Variants in RERE observed in about 807,000 individuals in gnomAD.
RERE encodes the protein arginine-glutamic acid dipeptide repeats protein.
Under a neutral mutation model 146.1 loss-of-function variants are expected in RERE, and 40 were observed. That is an observed-to-expected ratio of 0.27 (90% CI 0.21 to 0.36). The LOEUF (loss-of-function observed/expected upper bound fraction) is 0.36. Among genes scored for constraint, RERE ranks in the 10% least tolerant of loss-of-function variants. RERE has a pLI of 1.00. For missense variants in RERE, 1,933 were observed against 2,138.7 expected, an observed-to-expected ratio of 0.90 and a Z score of 1.90; for synonymous variants, 1,003 against 866.0, an observed-to-expected ratio of 1.16 and a Z score of -2.78.
intron 9 of RERE, among the ~76,000 whole-genome samples, chr1:8,495,376 G>A (rs888863893): frequency 5.3e-5 from 8 of 151,160 alleles, no homozygotes; most frequent in African/African-American, 7.3e-5. Context: ...GTACAGTGGC[G>A]CAATCTTGGC....
Position 8,406,620 on chromosome 1 carries a change from A to AT in RERE, c.1284+16106dup, listed in dbSNP as rs1643445203. Among the ~76,000 whole-genome samples the AT allele has an allele frequency of 1.3e-5, 2 of 152,220 alleles. 1 individual carries two copies. The highest frequency in any genetic ancestry group is 4.1e-4 in the South Asian group (2 of 4,824). On this transcript the variant is annotated intron_variant, in intron 12 of 22. Transcript: ENST00000400908. ...TTGCAAATTCTTTAAGTTTGAAATT[A>AT]TTTTAAACCAAATGGTTTTTTAAAA... is the stretch of plus-strand genomic sequence containing the variant.
At chr1:8,485,230 G>A (rs757749272) in intron 10 of RERE, among the ~76,000 whole-genome samples, 6 of 151,978 alleles carry the variant, frequency 3.9e-5, no homozygotes, top group African/African-American at 1.2e-4. Flanking sequence ...ACGTGGTGCC[G>A]CATGTCTGTA....
rs1427356097 is a variant in RERE at position 8,533,629 on chromosome 1, C to G, written c.830+7585G>C. ...ATTCTGAAGGGCCCAGAATCCCAAC[C>G]CTAAACAGGTGGGTTTCCCTGTTAC... On this transcript the variant is annotated intron_variant, in intron 7 of 22. Coordinates refer to ENST00000400908, the MANE Select transcript of RERE (RefSeq NM_001042681.2). Among the ~76,000 whole-genome samples the G allele has an allele frequency of 3.3e-5, 5 of 152,260 alleles. No homozygotes were observed. In the East Asian group the frequency reaches 9.6e-4, roughly 29 times the overall value.
chr1:8,502,071 T>A (rs1280265114), intron 8 of RERE, among the ~76,000 whole-genome samples: 1 of 77,686 alleles, frequency 1.3e-5, no homozygotes, highest in Non-Finnish European at 2.6e-5. Flanking sequence ...AGCCGCCCCG[T>A]CCGGGAGGTG....
intron 12 of RERE, among the ~76,000 whole-genome samples, chr1:8,390,948 A>G (rs1024758361): frequency 6.6e-6 from 1 of 151,938 alleles, no homozygotes; most frequent in African/African-American, 2.4e-5. Context: ...AAAACAAAAC[A>G]AAACAAAAAA....
At chr1:8,750,228 T>A (rs1025937754) in intron 1 of RERE, among the ~76,000 whole-genome samples, 2 of 151,732 alleles carry the variant, frequency 1.3e-5, no homozygotes, top group African/African-American at 2.4e-5. Flanking sequence ...GACTGTTACT[T>A]CTAGAACCAT....
At chr1:8,451,158 C>T (rs1355566149) in intron 11 of RERE, among the ~76,000 whole-genome samples, 4 of 152,184 alleles carry the variant, frequency 2.6e-5, no homozygotes, top group East Asian at 1.9e-4. Context: ...CAGCTGGGCG[C>T]GGTGGCTCAC....
At chr1:8,604,705 G>A (rs904735986) in intron 4 of RERE, among the ~76,000 whole-genome samples, 3 of 151,742 alleles carry the variant, frequency 2.0e-5, no homozygotes, top group African/African-American at 7.3e-5. Flanking sequence ...GGGCAATAAA[G>A]GAACGATCTT....
At chr1:8,747,921 C>A (rs112375659) in intron 1 of RERE, among the ~76,000 whole-genome samples, 1 of 152,090 alleles carries the variant, frequency 6.6e-6, no homozygotes, top group Non-Finnish European at 1.5e-5. Context: ...ATTACAGGTG[C>A]ATGCCACCAC....
chr1:8,427,637 T>TAAAAAA (rs33996085), intron 11 of RERE, among the ~76,000 whole-genome samples: 1 of 116,350 alleles, frequency 8.6e-6, no homozygotes, highest in East Asian at 2.6e-4. Context: ...GGCCCCACTT[T>TAAAAAA]AAAAAAAAAA....
At chr1:8,435,865 C>T (rs1184938670) in intron 11 of RERE, among the ~76,000 whole-genome samples, 1 of 152,202 alleles carries the variant, frequency 6.6e-6, no homozygotes, top group Non-Finnish European at 1.5e-5. Context: ...GCAGGCCCAA[C>T]AAAAAGTACT....
At chr1:8,609,401 G>A (rs184362222) in intron 4 of RERE, among the ~76,000 whole-genome samples, 109 of 152,194 alleles carry the variant, frequency 7.2e-4, no homozygotes, top group Non-Finnish European at 1.2e-3. Flanking sequence ...TACATTATAA[G>A]TCGACAGCTA....
At chr1:8,743,550 C>A (rs754093872) in intron 1 of RERE, among the ~76,000 whole-genome samples, 4 of 151,788 alleles carry the variant, frequency 2.6e-5, no homozygotes, top group African/African-American at 4.8e-5. Flanking sequence ...CGTGAACCAC[C>A]GCACCCAGCC....
chr1:8,528,601 G>A (rs1645598704), intron 7 of RERE, among the ~76,000 whole-genome samples: 1 of 152,130 alleles, frequency 6.6e-6, no homozygotes, highest in Non-Finnish European at 1.5e-5. Context: ...AACCAAAAAT[G>A]TTCCAAAATC....
At chr1:8,397,345 C>T (rs926867032) in intron 12 of RERE, among the ~76,000 whole-genome samples, 6 of 145,620 alleles carry the variant, frequency 4.1e-5, no homozygotes, top group Non-Finnish European at 8.8e-5. Flanking sequence ...CTGCCTTATT[C>T]GACTTTCACT....
intron 2 of RERE, 97 bp from the exon 3 acceptor site, chr1:8,624,477 G>T: frequency 1.4e-6 from 1 of 735,388 alleles, no homozygotes; most frequent in Non-Finnish European, 2.2e-6. Flanking sequence ...AAATGACAAA[G>T]CACATATCTT....
chr1:8,476,670 T>G (rs1644760504), intron 10 of RERE, among the ~76,000 whole-genome samples: 1 of 152,238 alleles, frequency 6.6e-6, no homozygotes, highest in Admixed American at 6.5e-5. Context: ...TATGATTAAC[T>G]TGCCTATGCT....
At chr1:8,590,239 G>C (rs1646476457) in intron 4 of RERE, among the ~76,000 whole-genome samples, 1 of 151,974 alleles carries the variant, frequency 6.6e-6, no homozygotes, top group South Asian at 2.1e-4. Context: ...GACTAAGAAG[G>C]AAAAGGGGTG....
intron 1 of RERE, among the ~76,000 whole-genome samples, chr1:8,702,119 T>A (rs1258923734): frequency 6.6e-6 from 1 of 150,878 alleles, no homozygotes; most frequent in African/African-American, 2.4e-5. Flanking sequence ...TGGCACAGAA[T>A]TGTGAGGACT....
Sources: gnomAD v4.1 joint callset for allele counts (sites outside exome capture counted in the v4.1 genomes callset) on GRCh38, gnomAD v4.1.1 for gene constraint, MANE v1.5 for transcripts, NCBI Gene and HGNC (gene_info 2026-07-23, HGNC 2026-07-21) for gene names.